Variants in ADGRL3 observed in about 807,000 individuals in gnomAD.
The protein encoded by ADGRL3 is calcium-independent alpha-latrotoxin receptor 3.
Under a neutral mutation model 153.5 loss-of-function variants are expected in ADGRL3, and 62 were observed. That is an observed-to-expected ratio of 0.40 (90% CI 0.33 to 0.50). The LOEUF (loss-of-function observed/expected upper bound fraction) is 0.50, where lower values mean the gene tolerates loss of function less well. Ranked by LOEUF, ADGRL3 falls within the 20% of genes least tolerant of loss-of-function variation. The probability of loss-of-function intolerance (pLI) is 0.47; values close to 1 mark genes in which losing one functional copy is unlikely to be tolerated. For missense variants in ADGRL3, 1,641 were observed against 1,859.4 expected, an observed-to-expected ratio of 0.88 and a Z score of 2.16; for synonymous variants, 710 against 672.5, an observed-to-expected ratio of 1.06 and a Z score of -0.86.
chr4:61,790,816 G>A (rs2097332912), intron 8 of ADGRL3, among the ~76,000 whole-genome samples: 1 of 152,178 alleles, frequency 6.6e-6, no homozygotes, highest in Non-Finnish European at 1.5e-5. Context: ...GAGAAGGCAA[G>A]GAGGAGCAAG....
rs113273371 is a variant in ADGRL3 at position 61,449,293 on chromosome 4, C to T, written c.-173-47828C>T. Among the ~76,000 whole-genome samples the T allele has an allele frequency of 1.2e-4, 18 of 152,034 alleles. 1 individual carries two copies. The highest frequency in any genetic ancestry group is 4.3e-4 in the African/African-American group (18 of 41,502). The stretch of plus-strand genomic sequence containing the variant: ...CTGGGATTAGAGAAATGCGCCACCA[C>T]GCCCAGCTAATTTTTGTATTTTTAG... On this transcript the variant is annotated intron_variant, in intron 2 of 26. Coordinates refer to ENST00000683033, the MANE Select transcript of ADGRL3 (RefSeq NM_001387552.1).
chr4:61,973,994 G>C (rs1189561668), intron 17 of ADGRL3, among the ~76,000 whole-genome samples: 2 of 152,020 alleles, frequency 1.3e-5, no homozygotes, highest in East Asian at 3.9e-4. Context: ...CCCAGACAAG[G>C]TCTGGGTCTG....
At chr4:61,390,070 G>A (rs987451743) in intron 2 of ADGRL3, among the ~76,000 whole-genome samples, 1 of 151,958 alleles carries the variant, frequency 6.6e-6, no homozygotes, top group Non-Finnish European at 1.5e-5. Context: ...AGTATTTTTG[G>A]TGTGTATAGC....
intron 5 of ADGRL3, among the ~76,000 whole-genome samples, chr4:61,612,057 A>G (rs2091433201): frequency 6.6e-6 from 1 of 152,186 alleles, no homozygotes; most frequent in Non-Finnish European, 1.5e-5. Flanking sequence ...TGAAGAGAAT[A>G]AAGTTGAAAA....
intron 2 of ADGRL3, among the ~76,000 whole-genome samples, chr4:61,400,610 G>A (rs745889913): frequency 1.3e-5 from 2 of 151,602 alleles, no homozygotes; most frequent in East Asian, 1.9e-4. Context: ...AATTAGAATT[G>A]GATATTGGTG....
intron 4 of ADGRL3, among the ~76,000 whole-genome samples, chr4:61,524,152 G>A (rs1470168053): frequency 1.3e-5 from 2 of 151,924 alleles, no homozygotes; most frequent in East Asian, 3.9e-4. Flanking sequence ...CTAAAACAAT[G>A]TGTGGTATAA....
Position 61,996,308 on chromosome 4 carries a change from A to G in ADGRL3, c.3254A>G (p.Asp1085Gly). Reference sequence around the variant, plus strand: ...CATTGCAGATGTTGGCTCCGACTTGACACCTACTTCATTTGGAGTTTTATA... The same window carrying G: ...CATTGCAGATGTTGGCTCCGACTTGGCACCTACTTCATTTGGAGTTTTATA... ...GTDKVCWLRL[D>G]TYFIWSFIGP... Residue 1085 changes from aspartate to glycine, a missense_variant, in exon 20 of 27, where the codon GAC becomes GGC. Transcript: ENST00000683033. 2 of 1,613,096 alleles carry G rather than the reference A, an allele frequency of 1.2e-6. No homozygotes were observed. The highest frequency in any genetic ancestry group is 1.7e-6 in the Non-Finnish European group (2 of 1,179,266).
chr4:61,922,769 G>T (rs1039837700), intron 13 of ADGRL3, among the ~76,000 whole-genome samples: 15 of 152,116 alleles, frequency 9.9e-5, no homozygotes, highest in Non-Finnish European at 1.3e-4. Context: ...AGGGATTCAC[G>T]GGTGAACACA....
intron 21 of ADGRL3, among the ~76,000 whole-genome samples, chr4:62,006,021 TATATATATATA>T (rs1560495178): frequency 4.8e-5 from 5 of 103,874 alleles, no homozygotes; most frequent in African/African-American, 1.4e-4. Flanking sequence ...TATATATATA[TATATATATATA>T]TTTTTTTTTT....
chr4:61,273,579 GA>G (rs1373877627), intron 1 of ADGRL3, among the ~76,000 whole-genome samples: 1 of 147,124 alleles, frequency 6.8e-6, no homozygotes, highest in African/African-American at 2.7e-5. Context: ...AAAGAAAAAA[GA>G]AGAAGTAGCA....
At chr4:61,858,106 G>C (rs572083885) in intron 9 of ADGRL3, among the ~76,000 whole-genome samples, 1 of 152,162 alleles carries the variant, frequency 6.6e-6, no homozygotes, top group Non-Finnish European at 1.5e-5. Flanking sequence ...TGCATATTGA[G>C]TTTGAGATGC....
Position 61,732,933 on chromosome 4 carries a change from A to G in ADGRL3, c.778A>G (p.Ile260Val). 2 of 1,613,788 alleles carry G rather than the reference A, an allele frequency of 1.2e-6. No homozygotes were observed. The highest frequency in any genetic ancestry group is 1.1e-5 in the South Asian group (1 of 91,078). Residue 260 changes from isoleucine to valine, a missense_variant, in exon 8 of 27, where the codon ATT becomes GTT. This residue lies in a region of ADGRL3 where 213 missense variants were observed against 362.1 expected (regional missense o/e 0.59). Coordinates refer to ENST00000683033, the MANE Select transcript of ADGRL3 (RefSeq NM_001387552.1). The part of the protein sequence containing the change: ...LTEYSSKDDF[I>V]AGRPTTTYKL... ...TGAGTATTCATCCAAGGATGACTTC[A>G]TTGCTGGAAGACCAACTACAACCTA... is the stretch of plus-strand genomic sequence containing the variant.
intron 1 of ADGRL3, among the ~76,000 whole-genome samples, chr4:61,350,313 C>T (rs969430329): frequency 2.5e-4 from 37 of 147,140 alleles, no homozygotes; most frequent in African/African-American, 8.8e-4. Flanking sequence ...TTTATGAAAA[C>T]GTATGCCTCC....
chr4:61,891,383 G>A (rs1205525731), intron 9 of ADGRL3, among the ~76,000 whole-genome samples: 1 of 152,070 alleles, frequency 6.6e-6, no homozygotes, highest in African/African-American at 2.4e-5. Flanking sequence ...GGGACCATGA[G>A]AGAAAGAGAA....
intron 25 of ADGRL3, among the ~76,000 whole-genome samples, chr4:62,066,654 A>T (rs1743135500): frequency 6.6e-6 from 1 of 152,140 alleles, no homozygotes; most frequent in Admixed American, 6.6e-5. Context: ...AATAATTTAC[A>T]TTTTAAAGTA....
intron 4 of ADGRL3, among the ~76,000 whole-genome samples, chr4:61,580,816 C>T (rs1333697796): frequency 3.3e-5 from 5 of 151,910 alleles, no homozygotes; most frequent in African/African-American, 7.3e-5. Context: ...TTGCATAAAA[C>T]GAGGGACTGA....
intron 4 of ADGRL3, among the ~76,000 whole-genome samples, chr4:61,574,451 CTAAA>C (rs1393837274): frequency 6.6e-6 from 1 of 151,732 alleles, no homozygotes; most frequent in South Asian, 2.1e-4. Flanking sequence ...AACTTACAGT[CTAAA>C]TACAGTGAGC....
intron 20 of ADGRL3, among the ~76,000 whole-genome samples, chr4:61,997,496 C>T (rs1434551119): frequency 6.7e-6 from 1 of 149,956 alleles, no homozygotes; most frequent in Non-Finnish European, 1.5e-5. Context: ...TTGTGGAATA[C>T]ATAAATTAAT....
intron 1 of ADGRL3, among the ~76,000 whole-genome samples, chr4:61,348,751 T>C (rs1404776943): frequency 6.6e-6 from 1 of 150,592 alleles, no homozygotes; most frequent in Non-Finnish European, 1.5e-5. Flanking sequence ...TATTAGACAC[T>C]GTTTCATAAA....
Sources: allele counts gnomAD v4.1 joint callset (sites outside exome capture counted in the v4.1 genomes callset), GRCh38; gene constraint gnomAD v4.1.1; regional missense constraint gnomAD v4.1.1; transcripts MANE v1.5; gene names NCBI Gene and HGNC (gene_info 2026-07-23, HGNC 2026-07-21).